ATXN2: variants seen among roughly 807,000 people sequenced by gnomAD.
The protein encoded by ATXN2 is ataxin-2.
Under a neutral mutation model 138.6 loss-of-function variants are expected in ATXN2, and 37 were observed. The ratio of observed to expected loss-of-function variants is 0.27; its 90% CI spans 0.21 to 0.35. The LOEUF is 0.35. Ranked by LOEUF, ATXN2 falls within the 10% of genes least tolerant of loss-of-function variation. The pLI, the probability that ATXN2 is intolerant of heterozygous loss-of-function variation, is 1.00. For synonymous variants in ATXN2, 549 were observed against 543.7 expected (o/e 1.01, Z -0.13); for missense variants, 1,216 against 1,480.3 (o/e 0.82, Z 2.93).
At position 111,457,261 on chromosome 12, in the gene ATXN2, G is replaced by C. The variant is rs1266616053; in HGVS notation, c.2995C>G (p.Gln999Glu). Residue 999 changes from glutamine to glutamate, a missense_variant, in exon 22 of 25, where the codon CAG becomes GAG. By Grantham distance (29) the Gln-to-Glu change is conservative. Transcript: ENST00000673436. ...PQPSATPTGQ[Q>E]QSQHGGSHPA... ...TGACTTCCACCATGTTGGCTTTGCT[G>C]CTGTCCAGTGGGGGTAGCTGAAGGC... 4 of 1,614,012 alleles carry C rather than the reference G, an allele frequency of 2.5e-6. No individual in the cohort carries two copies. The highest frequency in any genetic ancestry group is 3.4e-6 in the Non-Finnish European group (4 of 1,180,000).
chr12:111,592,798 A>AAAAAAAAAAAAAAAAAAAAT (rs1156884638), intron 1 of ATXN2, among the ~76,000 whole-genome samples: 1 of 147,642 alleles, frequency 6.8e-6, no homozygotes, highest in African/African-American at 2.5e-5. Context: ...AAAAAAAAAA[A>AAAAAAAAAAAAAAAAAAAAT]AAAAAAGATA....
At chr12:111,530,819 A>G (rs1880780872) in intron 5 of ATXN2, among the ~76,000 whole-genome samples, 1 of 151,510 alleles carries the variant, frequency 6.6e-6, no homozygotes, top group Admixed American at 6.6e-5. Context: ...ATCTCAAAAA[A>G]ACAAAAAACA....
Position 111,452,683 on chromosome 12 carries a change from A to G in ATXN2, c.*129T>C, listed in dbSNP as rs1874743521. 2 of 1,072,788 alleles carry G rather than the reference A, an allele frequency of 1.9e-6. No individual in the cohort carries two copies. Among genetic ancestry groups the G allele is most frequent in the East Asian group, 5.1e-5 (2 of 39,502 alleles). The allele number at this position is 1,072,788 out of a possible 1,614,324, so 66.5% of individuals were successfully genotyped here. A position where few individuals can be genotyped will look rare whatever the true frequency, so the allele number is the denominator to read the frequency against. On this transcript the variant is annotated 3_prime_UTR_variant, in exon 25 of 25. Transcript: ENST00000673436. ...AGTGAACTGTTAGCATTCCTATTGG[A>G]TGTTACAAGAAATCAACATATATAT...
rs148642022 is a variant in ATXN2 at position 111,555,884 on chromosome 12, G to A, written c.287C>T (p.Thr96Met). The A allele has an allele frequency of 2.9e-5, 46 of 1,601,482 alleles. No individual in the cohort carries two copies. Among genetic ancestry groups the A allele is most frequent in the African/African-American group, 2.3e-4 (17 of 74,156 alleles). ...ATAAGTAACATTAAAGTTACTCACC[G>A]TAGACTGAGGCAGTCCTTTGTTACT... The part of the protein sequence containing the change: ...RNSNKGLPQS[T>M]ISFDGIYANM... Residue 96 changes from threonine to methionine, a missense_variant and splice_region_variant, in exon 2 of 25, where the codon ACG (threonine) becomes ATG (methionine). Coordinates refer to ENST00000673436, the MANE Select transcript of ATXN2 (RefSeq NM_001372574.1).
intron 1 of ATXN2, among the ~76,000 whole-genome samples, chr12:111,568,034 G>A (rs917601744): frequency 6.6e-6 from 1 of 152,134 alleles, no homozygotes; most frequent in Non-Finnish European, 1.5e-5. Flanking sequence ...GCTGAGGCAG[G>A]TGGATTATCT....
chr12:111,463,705 G>A (rs2135663701), intron 21 of ATXN2, among the ~76,000 whole-genome samples: 1 of 152,316 alleles, frequency 6.6e-6, no homozygotes, highest in South Asian at 2.1e-4. Context: ...GGTGGGGAGA[G>A]GGGACCTGTG....
intron 22 of ATXN2, 65 bp from the exon 23 acceptor site, chr12:111,456,321 C>T (rs1262014239): frequency 2.0e-5 from 31 of 1,554,322 alleles, no homozygotes; most frequent in Non-Finnish European, 2.7e-5. Flanking sequence ...AAGGGATACC[C>T]ACAAAGCTAA....
chr12:111,584,408 A>AAAAATTCATT (rs1884204843), intron 1 of ATXN2, among the ~76,000 whole-genome samples: 1 of 145,226 alleles, frequency 6.9e-6, no homozygotes, highest in Non-Finnish European at 1.5e-5. Flanking sequence ...AAAAAAAAAA[A>AAAAATTCATT]AAATTCATTG....
At chr12:111,590,756 G>A (rs971003314) in intron 1 of ATXN2, among the ~76,000 whole-genome samples, 3 of 151,896 alleles carry the variant, frequency 2.0e-5, no homozygotes, top group African/African-American at 7.3e-5. Flanking sequence ...TAGCACCTGA[G>A]CCCCACCTGT....
intron 5 of ATXN2, among the ~76,000 whole-genome samples, chr12:111,547,611 G>C (rs1881870959): frequency 1.3e-5 from 2 of 151,834 alleles, no homozygotes; most frequent in Non-Finnish European, 1.5e-5. Flanking sequence ...TGTAATCCCA[G>C]CTACTCGGGA....
chr12:111,522,100 T>A (rs1880187609), intron 6 of ATXN2, among the ~76,000 whole-genome samples: 1 of 152,124 alleles, frequency 6.6e-6, no homozygotes, highest in African/African-American at 2.4e-5. Flanking sequence ...TGGGTCCTCC[T>A]GTGCTACTCC....
At chr12:111,528,969 T>G (rs1566044983) in intron 5 of ATXN2, among the ~76,000 whole-genome samples, 1 of 152,122 alleles carries the variant, frequency 6.6e-6, no homozygotes, top group Non-Finnish European at 1.5e-5. Flanking sequence ...TAAAAAAAAT[T>G]TGTTTTTGTT....
At chr12:111,462,535 A>G (rs1433566700) in intron 21 of ATXN2, among the ~76,000 whole-genome samples, 1 of 152,242 alleles carries the variant, frequency 6.6e-6, no homozygotes, top group Non-Finnish European at 1.5e-5. Context: ...TGAAAACTCT[A>G]AAAGGGGAAT....
intron 14 of ATXN2, among the ~76,000 whole-genome samples, chr12:111,489,270 G>A (rs1035731190): frequency 4.6e-5 from 7 of 152,150 alleles, no homozygotes; most frequent in Admixed American, 3.9e-4. Context: ...GGAAGAGTAT[G>A]TTTAAAAATC....
chr12:111,593,433 A>T (rs1359883335), intron 1 of ATXN2, among the ~76,000 whole-genome samples: 1 of 152,088 alleles, frequency 6.6e-6, no homozygotes, highest in East Asian at 1.9e-4. Flanking sequence ...TGGCTATTAA[A>T]TAGCTACAAT....
intron 20 of ATXN2, among the ~76,000 whole-genome samples, chr12:111,467,155 T>A (rs1341109079): frequency 2.0e-5 from 3 of 151,900 alleles, no homozygotes; most frequent in African/African-American, 7.3e-5. Flanking sequence ...TTCTTTTTTT[T>A]AAATAGAGAC....
intron 14 of ATXN2, among the ~76,000 whole-genome samples, chr12:111,495,411 C>T (rs1878354121): frequency 6.6e-6 from 1 of 151,574 alleles, no homozygotes; most frequent in African/African-American, 2.4e-5. Flanking sequence ...AAACAATATT[C>T]CATGCAAATG....
At chr12:111,585,721 G>C (rs1177866141) in intron 1 of ATXN2, among the ~76,000 whole-genome samples, 1 of 138,258 alleles carries the variant, frequency 7.2e-6, no homozygotes, top group Non-Finnish European at 1.5e-5. Flanking sequence ...AGAACTGCTT[G>C]AACCTGGGAG....
In ATXN2 at chr12:111,494,428, T is replaced by G. The variant is rs547120533; in HGVS notation, c.1936-5648A>C. 3.9e-3 allele frequency among the ~76,000 whole-genome samples: 583 copies of G among 149,364 alleles called. 2 individuals carry two copies. Among genetic ancestry groups the G allele is most frequent in the African/African-American group, 0.013 (537 of 40,964 alleles). Reference sequence around the variant, plus strand: ...ATTTGCAACCCTTATGTGATCTCTTTTTTTTTTTTTTTTTTGAGACGGAGT... The same window carrying G: ...ATTTGCAACCCTTATGTGATCTCTTGTTTTTTTTTTTTTTTGAGACGGAGT... On this transcript the variant is annotated intron_variant, in intron 14 of 24. Coordinates refer to ENST00000673436, the MANE Select transcript of ATXN2 (RefSeq NM_001372574.1).
Sources: allele counts gnomAD v4.1 joint callset (sites outside exome capture counted in the v4.1 genomes callset), GRCh38; gene constraint gnomAD v4.1.1; transcripts MANE v1.5; gene names NCBI Gene and HGNC (gene_info 2026-07-23, HGNC 2026-07-21).